The following MAGI2 variants were observed in gnomAD, a reference collection of about 807,000 sequenced individuals.
MAGI2 encodes the protein membrane associated guanylate kinase, WW and PDZ domain containing 2.
MAGI2 carries 35 observed loss-of-function variants against 133.3 expected under a neutral mutation model. The ratio of observed to expected loss-of-function variants is 0.26; its 90% CI spans 0.20 to 0.35. The LOEUF (loss-of-function observed/expected upper bound fraction) is 0.35. MAGI2 is among the 10% of genes least tolerant of loss of function. The pLI is 1.00. For synonymous variants in MAGI2, 729 were observed against 710.6 expected (o/e 1.03, Z -0.41); for missense variants, 1,636 against 1,863.4 (o/e 0.88, Z 2.25).
chr7:79,309,444 A>G (rs1024072687), intron 1 of MAGI2, among the ~76,000 whole-genome samples: 1 of 151,056 alleles, frequency 6.6e-6, no homozygotes, highest in Non-Finnish European at 1.5e-5. Context: ...TTACGTTAAA[A>G]TATGTAGAGT....
At chr7:78,583,906 TGGA>T (rs1239532654) in intron 3 of MAGI2, among the ~76,000 whole-genome samples, 1 of 152,078 alleles carries the variant, frequency 6.6e-6, no homozygotes, top group Non-Finnish European at 1.5e-5. Context: ...GGAAGCCAAA[TGGA>T]GACAATTTCA....
chr7:78,819,080 A>T (rs1313290340), intron 2 of MAGI2, among the ~76,000 whole-genome samples: 1 of 152,140 alleles, frequency 6.6e-6, no homozygotes, highest in African/African-American at 2.4e-5. Context: ...TGAAAAATTC[A>T]GCTTTAGATC....
intron 6 of MAGI2, among the ~76,000 whole-genome samples, chr7:78,458,684 G>A (rs1789618171): frequency 6.7e-6 from 1 of 150,162 alleles, no homozygotes; most frequent in South Asian, 2.1e-4. Context: ...ACCCAGGCTG[G>A]AGTGCAGTGG....
chr7:79,172,355 TC>T (rs1476275469), intron 1 of MAGI2, among the ~76,000 whole-genome samples: 1 of 152,040 alleles, frequency 6.6e-6, no homozygotes, highest in African/African-American at 2.4e-5. Flanking sequence ...CTTTGAACCC[TC>T]AATCAAGGAG....
chr7:79,293,347 T>G (rs182549419), intron 1 of MAGI2, among the ~76,000 whole-genome samples: 160 of 152,338 alleles, frequency 1.1e-3, no homozygotes, highest in African/African-American at 3.4e-3. Context: ...TCAAGAGTAC[T>G]TACAAGTATA....
Position 78,528,986 on chromosome 7 carries a change from T to C in MAGI2, c.539-7341A>G, listed in dbSNP as rs932639728. ...ACTGTACAAAAAGTGGGAATGTTTG[T>C]TTTTTTTTTCATACATGGAATTGAA... is the stretch of plus-strand genomic sequence containing the variant. On this transcript the variant is annotated intron_variant, in intron 3 of 21. Transcript: ENST00000354212. 1.0e-3 allele frequency among the ~76,000 whole-genome samples: 153 copies of C among 148,606 alleles called. 1 individual carries two copies. The highest frequency in any genetic ancestry group is 5.7e-4 in the Non-Finnish European group (38 of 66,760).
intron 21 of MAGI2, among the ~76,000 whole-genome samples, chr7:78,070,647 T>A (rs113193147): frequency 0.21 from 11,935 of 57,932 alleles, 689 homozygotes; most frequent in East Asian, 0.46. Flanking sequence ...TATATATATT[T>A]TTTTTTTTTT....
chr7:78,852,062 T>A (rs556531383), intron 2 of MAGI2, among the ~76,000 whole-genome samples: 2 of 152,278 alleles, frequency 1.3e-5, no homozygotes, highest in East Asian at 3.9e-4. Context: ...TGCCATATTT[T>A]TAAAGTCTTG....
At chr7:78,301,487 A>G (rs745918160) in intron 9 of MAGI2, among the ~76,000 whole-genome samples, 1 of 152,164 alleles carries the variant, frequency 6.6e-6, no homozygotes, top group Non-Finnish European at 1.5e-5. Flanking sequence ...CACAAGAACC[A>G]CTTAAAGACT....
chr7:78,176,838 ACT>A (rs1348508413), intron 14 of MAGI2, among the ~76,000 whole-genome samples: 2 of 150,932 alleles, frequency 1.3e-5, no homozygotes, highest in Non-Finnish European at 2.9e-5. Flanking sequence ...ACAGGACAAG[ACT>A]CTGTCTCAGG....
intron 6 of MAGI2, among the ~76,000 whole-genome samples, chr7:78,468,205 TTAAG>T (rs1790835020): frequency 6.6e-6 from 1 of 152,160 alleles, no homozygotes; most frequent in Non-Finnish European, 1.5e-5. Context: ...TTTATCAGGT[TTAAG>T]TAAGATAATA....
At position 78,135,013 on chromosome 7, in the gene MAGI2, G is replaced by C; in HGVS notation, c.3031+8C>G. ...CCGCCTCTCTGCAAGGCTGCCTCAG[G>C]CACTCACCCTCCTGAGGAATGATGC... is the stretch of plus-strand genomic sequence containing the variant. On this transcript the variant is annotated splice_region_variant and intron_variant, in intron 17 of 21. Coordinates refer to ENST00000354212, the MANE Select transcript of MAGI2 (RefSeq NM_012301.4). 1 of 1,612,676 alleles carries C rather than the reference G, an allele frequency of 6.2e-7. No homozygotes were observed. Among genetic ancestry groups the C allele is most frequent in the East Asian group, 2.2e-5 (1 of 44,858 alleles).
chr7:78,248,295 A>C (rs898114435), intron 10 of MAGI2, among the ~76,000 whole-genome samples: 1 of 152,204 alleles, frequency 6.6e-6, no homozygotes, highest in Non-Finnish European at 1.5e-5. Context: ...ATGAAAGTAC[A>C]ACATTCACTG....
chr7:78,708,860 C>T (rs1818901838), intron 2 of MAGI2, among the ~76,000 whole-genome samples: 1 of 79,170 alleles, frequency 1.3e-5, no homozygotes, highest in African/African-American at 5.0e-5. Context: ...CTCTAATACT[C>T]ATTTTTTAAA....
chr7:78,397,778 C>T (rs1203964695), intron 6 of MAGI2, among the ~76,000 whole-genome samples: 2 of 152,124 alleles, frequency 1.3e-5, no homozygotes, highest in African/African-American at 4.8e-5. Flanking sequence ...ACCAACAATA[C>T]TCACATATCT....
chr7:78,115,127 C>A (rs543849796), intron 20 of MAGI2, among the ~76,000 whole-genome samples: 113 of 152,194 alleles, frequency 7.4e-4, no homozygotes, highest in African/African-American at 2.6e-3. Context: ...TAAACAAGTA[C>A]AAAAGGCAGC....
At chr7:79,076,719 C>T (rs963692342) in intron 1 of MAGI2, among the ~76,000 whole-genome samples, 12 of 152,104 alleles carry the variant, frequency 7.9e-5, no homozygotes, top group Admixed American at 5.9e-4. Context: ...TAATTCTTTT[C>T]GACCCCTAAA....
At chr7:78,080,166 C>T (rs1052623613) in intron 20 of MAGI2, among the ~76,000 whole-genome samples, 8 of 152,174 alleles carry the variant, frequency 5.3e-5, no homozygotes, top group Admixed American at 5.2e-4. Flanking sequence ...GAAAACAAGA[C>T]CCCCAAAGTC....
At chr7:78,131,359 C>A (rs1008331545) in intron 18 of MAGI2, among the ~76,000 whole-genome samples, 2 of 152,172 alleles carry the variant, frequency 1.3e-5, no homozygotes, top group Non-Finnish European at 1.5e-5. Flanking sequence ...TCTATGAAAG[C>A]AAATGGGAAA....
Sources: gnomAD v4.1 joint callset for allele counts (sites outside exome capture counted in the v4.1 genomes callset) on GRCh38, gnomAD v4.1.1 for gene constraint, MANE v1.5 for transcripts, NCBI Gene and HGNC (gene_info 2026-07-23, HGNC 2026-07-21) for gene names.